Variants in KIF1A observed in about 807,000 individuals in gnomAD.
The protein encoded by KIF1A is kinesin family member 1A.
KIF1A carries 46 observed loss-of-function variants against 227.3 expected under a neutral mutation model. The ratio of observed to expected loss-of-function variants is 0.20; its 90% CI spans 0.16 to 0.26. The LOEUF is 0.26. Among genes scored for constraint, KIF1A ranks in the 10% least tolerant of loss-of-function variants. The probability of loss-of-function intolerance (pLI) is 1.00; values close to 1 mark genes in which losing one functional copy is unlikely to be tolerated. For synonymous variants in KIF1A, 1,022 were observed against 1,012.8 expected, an observed-to-expected ratio of 1.01 and a Z score of -0.17; for missense variants, 1,683 against 2,485.9, an observed-to-expected ratio of 0.68 and a Z score of 6.87.
Position 240,753,599 on chromosome 2 carries a change from G to T in KIF1A, c.2859-3052C>A, listed in dbSNP as rs559179318. ...ATCACAGCAGCCGGCATCTGTGGAG[G>T]CTCCCTAGGGGCCAAGCACAGTGGC... On this transcript the variant is annotated intron_variant, in intron 27 of 48. Coordinates refer to ENST00000498729, the MANE Select transcript of KIF1A (RefSeq NM_001244008.2). Among the ~76,000 whole-genome samples the T allele has an allele frequency of 2.0e-5, 3 of 152,274 alleles. No homozygotes were observed. In the South Asian group the frequency reaches 6.2e-4, roughly 32 times the overall value.
chr2:240,807,155 CAGAG>C lies in KIF1A; in HGVS notation c.-60-9347_-60-9344del, dbSNP rs1252497384. On this transcript the variant is annotated intron_variant, in intron 1 of 48. Coordinates refer to ENST00000498729, the MANE Select transcript of KIF1A (RefSeq NM_001244008.2). The stretch of plus-strand genomic sequence containing the variant: ...GTATATATATATATATATATATACA[CAGAG>C]AGAGAGAGAGAGTTTCACTCTTGTT... Among the ~76,000 whole-genome samples the C allele has an allele frequency of 8.8e-5, 12 of 136,292 alleles. 1 individual carries two copies. Among genetic ancestry groups the C allele is most frequent in the South Asian group, 2.4e-4 (1 of 4,110 alleles). 89.4% of individuals were successfully genotyped at this position (136,292 alleles called of 152,430 possible). A position where few individuals can be genotyped will look rare whatever the true frequency, so the allele number is the denominator to read the frequency against.
chr2:240,765,231 G>C (rs1249274022), intron 20 of KIF1A, among the ~76,000 whole-genome samples: 1 of 152,194 alleles, frequency 6.6e-6, no homozygotes, highest in African/African-American at 2.4e-5. Flanking sequence ...GCACGTGTTT[G>C]AACATCACAG....
At position 240,757,312 on chromosome 2, in the gene KIF1A, C is replaced by CCTACTAAACCTTCCA. The variant is rs2049962905; in HGVS notation, c.2858+6_2858+7insTGGAAGGTTTAGTAG. On this transcript the variant is annotated splice_region_variant and intron_variant, in intron 27 of 48. Transcript: ENST00000498729. This position sits in a 1 kb window ranked among gnomAD's most constrained non-coding sequence, Gnocchi z 6.2. ...CTCCCCAGCATGCTCTCCTCGACCTCACCAACCTTCCTACTAAACTGAACA... is the reference window on the plus strand; with the variant it reads ...CTCCCCAGCATGCTCTCCTCGACCTCCTACTAAACCTTCCAACCAACCTTCCTACTAAACTGAACA... 1 of 1,550,342 alleles carries CCTACTAAACCTTCCA rather than the reference C, an allele frequency of 6.5e-7. No homozygotes were observed. Among genetic ancestry groups the CCTACTAAACCTTCCA allele is most frequent in the Non-Finnish European group, 8.7e-7 (1 of 1,146,918 alleles).
intron 34 of KIF1A, among the ~76,000 whole-genome samples, chr2:240,742,598 G>T (rs62187826): frequency 0.14 from 21,302 of 151,976 alleles, 1,856 homozygotes; most frequent in Non-Finnish European, 0.2. Flanking sequence ...GTGAAGGAGC[G>T]TCCTAGATTG....
In KIF1A at chr2:240,790,428, G is replaced by C. The variant is rs1277539042; in HGVS notation, c.107-1116C>G. ...GCCCCGGATTGGTTTTCCTCAGCCAGCGTGGGCTGGGGGCCAGCGGCACAG... is the reference window on the plus strand; with the variant it reads ...GCCCCGGATTGGTTTTCCTCAGCCACCGTGGGCTGGGGGCCAGCGGCACAG... On this transcript the variant is annotated intron_variant, in intron 2 of 48. Coordinates refer to ENST00000498729, the MANE Select transcript of KIF1A (RefSeq NM_001244008.2). This position sits in a 1 kb window ranked among gnomAD's most constrained non-coding sequence, Gnocchi z 5.0. 6.6e-6 allele frequency among the ~76,000 whole-genome samples: 1 copy of C among 152,046 alleles called. No homozygotes were observed. Among genetic ancestry groups the C allele is most frequent in the Non-Finnish European group, 1.5e-5 (1 of 68,026 alleles).
At position 240,725,440 on chromosome 2, in the gene KIF1A, C is replaced by T. The variant is rs781186335; in HGVS notation, c.4123-36G>A. 6.2e-7 allele frequency: 1 copy of T among 1,606,112 alleles called. No homozygotes were observed. The highest frequency in any genetic ancestry group is 8.5e-7 in the Non-Finnish European group (1 of 1,175,844). ...CGGGAGCAGGACTCAGGCACAAGGA[C>T]ACCCCGAGTGCCCAGGTGCCCTTCC... On this transcript the variant is annotated intron_variant, in intron 39 of 48. Transcript: ENST00000498729. This position sits in a 1 kb window ranked among gnomAD's most constrained non-coding sequence, Gnocchi z 5.8.
At chr2:240,732,207 C>T (rs1444822144) in intron 38 of KIF1A, among the ~76,000 whole-genome samples, 6 of 47,082 alleles carry the variant, frequency 1.3e-4, no homozygotes, top group South Asian at 8.9e-4. Context: ...GGGGATGAGG[C>T]GTGAGGGGAG....
intron 48 of KIF1A, among the ~76,000 whole-genome samples, chr2:240,717,681 C>A (rs545618705): frequency 1.3e-5 from 2 of 152,212 alleles, no homozygotes; most frequent in Non-Finnish European, 2.9e-5. Flanking sequence ...TTCCCCATGC[C>A]GAGGCCACCG....
At chr2:240,816,211 CATGTGTGT>C (rs904072595) in intron 1 of KIF1A, among the ~76,000 whole-genome samples, 6 of 151,464 alleles carry the variant, frequency 4.0e-5, no homozygotes, top group African/African-American at 1.5e-4. Context: ...CGTGCATAAG[CATGTGTGT>C]ATGTGTGTTT....
intron 42 of KIF1A, among the ~76,000 whole-genome samples, chr2:240,722,906 A>G (rs2045575243): frequency 6.6e-6 from 1 of 152,138 alleles, no homozygotes; most frequent in Admixed American, 6.5e-5. Flanking sequence ...TGCTCCTCTC[A>G]GACACATCCA....
In KIF1A at chr2:240,757,225, G is replaced by A. The variant is rs770448121; in HGVS notation, c.2858+94C>T. Reference sequence around the variant, plus strand: ...TGCCTCGCCTGCCCTGGGAGGGCCCGGGCCAGGCCCCAGCGGTTCCTCTGT... The same window carrying A: ...TGCCTCGCCTGCCCTGGGAGGGCCCAGGCCAGGCCCCAGCGGTTCCTCTGT... On this transcript the variant is annotated intron_variant, in intron 27 of 48. Transcript: ENST00000498729. The surrounding 1 kb of genome is among the most constrained non-coding windows in gnomAD (Gnocchi z 6.2). The A allele has an allele frequency of 2.5e-4, 330 of 1,308,818 alleles. No individual in the cohort carries two copies. The highest frequency in any genetic ancestry group is 5.6e-4 in the Middle Eastern group (3 of 5,380). The allele number at this position is 1,308,818 out of a possible 1,614,324, so 81.1% of individuals were successfully genotyped here. A position where few individuals can be genotyped will look rare whatever the true frequency, so the allele number is the denominator to read the frequency against.
At chr2:240,743,213 T>C (rs2048201802) in intron 33 of KIF1A, among the ~76,000 whole-genome samples, 1 of 152,088 alleles carries the variant, frequency 6.6e-6, no homozygotes, top group Non-Finnish European at 1.5e-5. Context: ...TGGCTCCCAG[T>C]CCAGAGTCCC....
intron 29 of KIF1A, 106 bp downstream of exon 29, chr2:240,747,130 C>T: frequency 2.7e-6 from 2 of 742,192 alleles, no homozygotes; most frequent in Non-Finnish European, 4.6e-6. Context: ...CAAGAGGACT[C>T]AGGGCCCGTG....
At chr2:240,771,749 G>A (rs12471479) in intron 14 of KIF1A, among the ~76,000 whole-genome samples, 7,759 of 152,266 alleles carry the variant, frequency 0.051, 278 homozygotes, top group South Asian at 0.09. Context: ...TTGGCCCAGA[G>A]ACCATCCTGG....
At chr2:240,776,793 G>A (rs1018598636) in intron 10 of KIF1A, among the ~76,000 whole-genome samples, 1 of 152,182 alleles carries the variant, frequency 6.6e-6, no homozygotes, top group African/African-American at 2.4e-5. Flanking sequence ...CAAGGGCTGG[G>A]AGCACACACA....
intron 1 of KIF1A, among the ~76,000 whole-genome samples, chr2:240,802,707 C>T (rs1179044761): frequency 1.3e-5 from 2 of 152,202 alleles, no homozygotes; most frequent in Non-Finnish European, 2.9e-5. Flanking sequence ...TCTTAGCTCA[C>T]TACAGCCTTT....
intron 27 of KIF1A, among the ~76,000 whole-genome samples, chr2:240,751,448 C>T (rs1293056806): frequency 3.3e-5 from 5 of 152,176 alleles, no homozygotes; most frequent in Non-Finnish European, 5.9e-5. Context: ...GGGCTGTGAA[C>T]GCCCAACACC....
intron 45 of KIF1A, 145 bp downstream of exon 45, chr2:240,720,769 C>G: frequency 5.0e-6 from 5 of 995,714 alleles, no homozygotes; most frequent in Non-Finnish European, 7.2e-6. Flanking sequence ...TCCACTCCTC[C>G]AGGCCCTTCC....
rs2047713311 is a variant in KIF1A, at chr2:240,739,485, T to G, written c.3901+573A>C. On this transcript the variant is annotated intron_variant, in intron 37 of 48. Transcript: ENST00000498729. This position sits in a 1 kb window ranked among gnomAD's most constrained non-coding sequence, Gnocchi z 5.6. The stretch of plus-strand genomic sequence containing the variant: ...GGGGACCTTATTTGGAAGTAGGGCT[T>G]TGCAGAGGTGATCAAACTGAGTAAA... Among the ~76,000 whole-genome samples the G allele has an allele frequency of 6.6e-6, 1 of 152,176 alleles. No homozygotes were observed. Among genetic ancestry groups the G allele is most frequent in the Admixed American group, 6.5e-5 (1 of 15,282 alleles).
Sources: allele counts gnomAD v4.1 joint callset (sites outside exome capture counted in the v4.1 genomes callset), GRCh38; gene constraint gnomAD v4.1.1; non-coding constraint Gnocchi (gnomAD v3.1); transcripts MANE v1.5; gene names NCBI Gene and HGNC (gene_info 2026-07-23, HGNC 2026-07-21).